Variants in NINL observed in about 807,000 individuals in gnomAD.
The protein encoded by NINL is ninein-like protein.
A neutral mutation model predicts 160.3 loss-of-function variants in NINL; 153 were observed. That is an observed-to-expected ratio of 0.95 (90% confidence interval 0.84 to 1.09). The LOEUF (loss-of-function observed/expected upper bound fraction) is 1.09. NINL is among the 50% of genes least tolerant of loss of function. The probability of loss-of-function intolerance (pLI) is 0.00; values close to 1 mark genes in which losing one functional copy is unlikely to be tolerated. For missense variants in NINL, 1,829 were observed against 1,764.0 expected, an observed-to-expected ratio of 1.04 and a Z score of -0.66; for synonymous variants, 800 against 734.8, an observed-to-expected ratio of 1.09 and a Z score of -1.43.
Position 25,476,760 on chromosome 20 carries a change from C to A in NINL, c.2531G>T (p.Arg844Leu). Residue 844 changes from arginine to leucine, a missense_variant, in exon 17 of 24, where the codon CGT (arginine) becomes CTT (leucine). Arg to Leu is a moderately radical substitution (Grantham distance 102). Coordinates refer to ENST00000278886, the MANE Select transcript of NINL (RefSeq NM_025176.6). Reference protein sequence around the residue: ...LVAGSGQEGTRGLLPLRPGCG... With the variant: ...LVAGSGQEGTLGLLPLRPGCG... ...GCCCGGACGCAGTGGTAGGAGGCCA[C>A]GTGTGCCCTCCTGGCCACTTCCTGC... The A allele has an allele frequency of 6.2e-7, 1 of 1,610,034 alleles. No individual in the cohort carries two copies. Among genetic ancestry groups the A allele is most frequent in the Non-Finnish European group, 8.5e-7 (1 of 1,179,768 alleles).
intron 8 of NINL, chr20:25,499,189 C>T: frequency 7.1e-6 from 7 of 985,378 alleles, no homozygotes; most frequent in Non-Finnish European, 7.2e-6. Flanking sequence ...GGAGCAATGG[C>T]ATCTTGGGAG....
chr20:25,485,806 C>G (rs2063494364), intron 13 of NINL, among the ~76,000 whole-genome samples: 1 of 152,114 alleles, frequency 6.6e-6, no homozygotes, highest in South Asian at 2.1e-4. Context: ...GAATTTTCTC[C>G]TTTTCTCAGT....
rs750623945 is a variant in NINL, at chr20:25,498,224, C to T, written c.1155G>A (p.Glu385=). ...QQAALACYHQ[E]LSYQQGQVEQ... ...TGGCCTCTTACTGCTGGTAGCTCAG[C>T]TCCTGGTGGTAGCAGGCCAGGGCTG... The change falls in exon 9 of 24, where the codon GAG becomes GAA. Residue 385 remains glutamate, a synonymous_variant. Transcript: ENST00000278886. 3.1e-6 allele frequency: 5 copies of T among 1,612,794 alleles called. No homozygotes were observed. Among genetic ancestry groups the T allele is most frequent in the Non-Finnish European group, 4.2e-6 (5 of 1,180,030 alleles).
At chr20:25,465,919 G>T (rs2062901780) in intron 19 of NINL, among the ~76,000 whole-genome samples, 1 of 152,200 alleles carries the variant, frequency 6.6e-6, no homozygotes, top group Non-Finnish European at 1.5e-5. Flanking sequence ...TCTTAAGTGT[G>T]ACAGCACTCC....
rs138190376 is a variant in NINL, at chr20:25,496,790, G to A, written c.1183C>T (p.Gln395Ter). The A allele has an allele frequency of 2.4e-5, 39 of 1,613,760 alleles. No homozygotes were observed. In the African/African-American group the frequency reaches 2.9e-4, roughly 12 times the overall value. ...ELSYQQGQVE[Q>*]LARERDKARQ... The stretch of plus-strand genomic sequence containing the variant: ...GCCTTGTCACGCTCCCTTGCCAGCT[G>A]CTCCACCTGCCCTCTGCCACAGGAA... The change falls in exon 10 of 24, where the codon CAG (glutamine) becomes TAG (stop). Residue 395 changes from glutamine to a stop codon, truncating the protein, a stop_gained. Transcript: ENST00000278886. LOFTEE classifies it high-confidence loss of function.
At position 25,462,604 on chromosome 20, in the gene NINL, C is replaced by T. The variant is rs1227843773; in HGVS notation, c.3424-63G>A. 8.0e-6 allele frequency: 11 copies of T among 1,376,354 alleles called. No homozygotes were observed. The South Asian group carries it at 1.5e-4, about 19-fold the overall frequency. 85.3% of individuals were successfully genotyped at this position (1,376,354 alleles called of 1,614,324 possible). A position where few individuals can be genotyped will look rare whatever the true frequency, so the allele number is the denominator to read the frequency against. On this transcript the variant is annotated intron_variant, in intron 19 of 23. Transcript: ENST00000278886. ...GTTTTTAATTTTCATGTTATATATA[C>T]ATTTGCCCATCATTGGCTATATTTT...
intron 1 of NINL, among the ~76,000 whole-genome samples, chr20:25,562,961 A>AT (rs1335992483): frequency 6.6e-6 from 1 of 152,134 alleles, no homozygotes; most frequent in Admixed American, 6.5e-5. Context: ...AGGTCAGGAG[A>AT]TGAGACCATC....
Position 25,476,154 on chromosome 20 carries a change from T to C in NINL, c.3137A>G (p.Glu1046Gly). The C allele has an allele frequency of 6.2e-7, 1 of 1,614,082 alleles. No homozygotes were observed. Among genetic ancestry groups the C allele is most frequent in the Non-Finnish European group, 8.5e-7 (1 of 1,180,026 alleles). The change falls in exon 17 of 24, where the codon GAG (glutamate) becomes GGG (glycine). Residue 1046 changes from glutamate to glycine, a missense_variant. By Grantham distance (98) the Glu-to-Gly change is moderately conservative (BLOSUM62 -2). Transcript: ENST00000278886. ...QEQLAAPEEG[E>G]TKIALEREKD... is the part of the protein sequence containing the mutation. ...CTCTCTCTCCAGCGCTATTTTGGTC[T>C]CCCCCTCTTCTGGGGCAGCAAGCTG...
intron 8 of NINL, 77 bp from the exon 9 acceptor site, chr20:25,498,423 T>C: frequency 6.4e-7 from 1 of 1,554,518 alleles, no homozygotes; most frequent in South Asian, 1.2e-5. Context: ...CCCTCCCTGA[T>C]CCAGGGCCTA....
chr20:25,581,292 A>G (rs1443733306), intron 1 of NINL, among the ~76,000 whole-genome samples: 2 of 152,174 alleles, frequency 1.3e-5, no homozygotes, highest in African/African-American at 4.8e-5. Context: ...AAAAATACAA[A>G]AATTAGCTGA....
intron 2 of NINL, among the ~76,000 whole-genome samples, chr20:25,524,919 ATATATG>A (rs201610923): frequency 1.1e-3 from 160 of 145,638 alleles, no homozygotes; most frequent in African/African-American, 3.9e-3. Flanking sequence ...ATATATATAT[ATATATG>A]TGTGTGTATA....
chr20:25,476,433 G>A lies in NINL; in HGVS notation c.2858C>T (p.Thr953Ile). The change falls in exon 17 of 24, where the codon ACC (threonine) becomes ATC (isoleucine). Residue 953 changes from threonine to isoleucine, a missense_variant. Thr to Ile is a moderately conservative substitution (Grantham distance 89, BLOSUM62 -1). Coordinates refer to ENST00000278886, the MANE Select transcript of NINL (RefSeq NM_025176.6). ...LLGTERDASQTQPRMWEPPLR... is the reference protein window; with the variant it reads ...LLGTERDASQIQPRMWEPPLR... ...GGGTGGCTCCCACATCCGTGGCTGG[G>A]TTTGCGAGGCGTCTCTCTCTGTTCC... 6.2e-7 allele frequency: 1 copy of A among 1,609,364 alleles called. No individual in the cohort carries two copies. Among genetic ancestry groups the A allele is most frequent in the Non-Finnish European group, 8.5e-7 (1 of 1,179,872 alleles).
At chr20:25,536,789 T>G (rs6138599) in intron 1 of NINL, among the ~76,000 whole-genome samples, 24,044 of 148,230 alleles carry the variant, frequency 0.16, 2,187 homozygotes, top group East Asian at 0.36. Flanking sequence ...GGCAAAAGAG[T>G]AGAAGTGTAA....
intron 4 of NINL, among the ~76,000 whole-genome samples, chr20:25,512,091 C>A (rs556545856): frequency 6.6e-6 from 1 of 152,214 alleles, no homozygotes; most frequent in Non-Finnish European, 1.5e-5. Context: ...CTGGGCCCAT[C>A]CCCCTCTCCT....
chr20:25,548,513 G>A (rs954627632), intron 1 of NINL, among the ~76,000 whole-genome samples: 19 of 151,156 alleles, frequency 1.3e-4, no homozygotes, highest in Non-Finnish European at 1.2e-4. Flanking sequence ...GGCTGACCTC[G>A]GCACCCATGG....
intron 1 of NINL, among the ~76,000 whole-genome samples, chr20:25,568,183 C>T (rs954116214): frequency 2.0e-5 from 3 of 148,686 alleles, no homozygotes; most frequent in Non-Finnish European, 3.0e-5. Flanking sequence ...GCAAAACTAA[C>T]GAAGGGAAAA....
chr20:25,570,963 A>G (rs1340788787), intron 1 of NINL, among the ~76,000 whole-genome samples: 2 of 151,540 alleles, frequency 1.3e-5, no homozygotes, highest in Non-Finnish European at 2.9e-5. Flanking sequence ...TCAGCCTTCC[A>G]AAGTGCTGGG....
At chr20:25,564,209 G>C (rs573443840) in intron 1 of NINL, among the ~76,000 whole-genome samples, 83 of 151,278 alleles carry the variant, frequency 5.5e-4, no homozygotes, top group African/African-American at 1.9e-3. Flanking sequence ...GAGTGCAGTG[G>C]TGCAATATCA....
intron 19 of NINL, among the ~76,000 whole-genome samples, chr20:25,464,449 C>A (rs1034230735): frequency 1.3e-5 from 2 of 152,018 alleles, no homozygotes; most frequent in Non-Finnish European, 2.9e-5. Context: ...AACAAACACA[C>A]AACAAACTCT....
Sources: allele counts gnomAD v4.1 joint callset (sites outside exome capture counted in the v4.1 genomes callset), GRCh38; gene constraint gnomAD v4.1.1; transcripts MANE v1.5; gene names NCBI Gene and HGNC (gene_info 2026-07-23, HGNC 2026-07-21).